The following GNB1L variants were observed in gnomAD, a reference collection of about 807,000 sequenced individuals.
GNB1L encodes the protein guanine nucleotide-binding protein subunit beta-like protein 1.
In GNB1L, 20 loss-of-function variants were observed where a neutral mutation model predicts 29.1. The ratio of observed to expected loss-of-function variants is 0.69; its 90% CI spans 0.48 to 1.00. The LOEUF is 1.00. GNB1L is among the 50% of genes least tolerant of loss of function. The pLI, the probability that GNB1L is intolerant of heterozygous loss-of-function variation, is 0.00. For missense variants in GNB1L, 421 were observed against 464.9 expected (o/e 0.91, Z 0.87); for synonymous variants, 193 against 206.5 (o/e 0.93, Z 0.56).
chr22:19,803,529 C>A (rs1937398916), intron 6 of GNB1L, among the ~76,000 whole-genome samples: 1 of 152,180 alleles, frequency 6.6e-6, no homozygotes, highest in Non-Finnish European at 1.5e-5. Context: ...GCTGTTTTAT[C>A]CCTGGGAGGA....
intron 7 of GNB1L, among the ~76,000 whole-genome samples, chr22:19,789,366 G>C (rs936038059): frequency 6.6e-6 from 1 of 152,210 alleles, no homozygotes; most frequent in African/African-American, 2.4e-5. Flanking sequence ...CCTCCCAGAA[G>C]AACCTCACAA....
rs750615518 is a variant in GNB1L at position 19,820,707 on chromosome 22, C to G, written c.145G>C (p.Val49Leu). The G allele has an allele frequency of 6.2e-7, 1 of 1,612,506 alleles. No individual in the cohort carries two copies. Among genetic ancestry groups the G allele is most frequent in the Non-Finnish European group, 8.5e-7 (1 of 1,178,916 alleles). ...LLFSGSQSGL[V>L]HIWSLQTRRA... ...CGCGTCTGCAGGCTCCAGATGTGTA[C>G]CAGGCCACTCTGAGACCTGTTTCAG... Residue 49 changes from valine (V) to leucine (L), a missense_variant, in exon 4 of 8, where the codon GTA (valine) becomes CTA (leucine). Transcript: ENST00000329517.
intron 7 of GNB1L, among the ~76,000 whole-genome samples, chr22:19,800,210 G>A (rs1937353478): frequency 6.6e-6 from 1 of 152,198 alleles, no homozygotes; most frequent in African/African-American, 2.4e-5. Flanking sequence ...ATAAATTACA[G>A]TCCTAAGTTC....
rs1937524087 is a variant in GNB1L at position 19,816,375 on chromosome 22, C to A, written c.255-3928G>T. 6.6e-6 allele frequency among the ~76,000 whole-genome samples: 1 copy of A among 152,210 alleles called. No individual in the cohort carries two copies. On this transcript the variant is annotated intron_variant, in intron 4 of 7. Coordinates refer to ENST00000329517, the MANE Select transcript of GNB1L (RefSeq NM_053004.3). The surrounding 1 kb of genome is among the most constrained non-coding windows in gnomAD (Gnocchi z 4.4). ...ATTTTAGTGCTCAAATTGGCCCAGG[C>A]TAATGGGAGTCCCTGCAGGCTGGCT...
At chr22:19,833,549 AGC>A (rs1225853529) in intron 2 of GNB1L, among the ~76,000 whole-genome samples, 13 of 152,142 alleles carry the variant, frequency 8.5e-5, no homozygotes, top group African/African-American at 3.1e-4. Context: ...TAGGCAACAG[AGC>A]AAGACCCTGT....
chr22:19,807,290 G>A (rs1046701820), intron 5 of GNB1L, among the ~76,000 whole-genome samples: 26 of 152,196 alleles, frequency 1.7e-4, no homozygotes, highest in African/African-American at 6.3e-4. Context: ...CCTACACCTG[G>A]GCTGGGAGAT....
At chr22:19,854,176 A>C (rs1938179584) in intron 2 of GNB1L, among the ~76,000 whole-genome samples, 1 of 152,158 alleles carries the variant, frequency 6.6e-6, no homozygotes, top group African/African-American at 2.4e-5. Flanking sequence ...CTGGCATAGA[A>C]GACTTTCGGC....
At chr22:19,841,678 C>G (rs1450677217) in intron 2 of GNB1L, among the ~76,000 whole-genome samples, 1 of 152,224 alleles carries the variant, frequency 6.6e-6, no homozygotes, top group Non-Finnish European at 1.5e-5. Flanking sequence ...AACTTTTACA[C>G]GCTTTTCCCA....
intron 2 of GNB1L, among the ~76,000 whole-genome samples, chr22:19,824,255 T>C (rs1193001374): frequency 2.0e-5 from 3 of 152,282 alleles, no homozygotes; most frequent in Non-Finnish European, 4.4e-5. Flanking sequence ...GCTTGATTTA[T>C]GACATCTAAT....
intron 2 of GNB1L, among the ~76,000 whole-genome samples, chr22:19,834,539 T>C (rs992358055): frequency 3.9e-5 from 6 of 152,256 alleles, no homozygotes; most frequent in African/African-American, 1.4e-4. Flanking sequence ...GTTTTCAATA[T>C]GGCAGTTATA....
At chr22:19,835,131 C>G (rs1181377585) in intron 2 of GNB1L, among the ~76,000 whole-genome samples, 1 of 152,064 alleles carries the variant, frequency 6.6e-6, no homozygotes, top group Admixed American at 6.5e-5. Context: ...ACTGATGGAA[C>G]TGAAAGTAGA....
chr22:19,850,706 G>A, intron 2 of GNB1L: 2 of 1,234,168 alleles, frequency 1.6e-6, no homozygotes, highest in Non-Finnish European at 1.0e-6. Context: ...CAGAGAGGGT[G>A]GGGCTAGGGG....
intron 7 of GNB1L, among the ~76,000 whole-genome samples, chr22:19,797,482 T>A (rs1937319985): frequency 6.6e-6 from 1 of 152,070 alleles, no homozygotes; most frequent in African/African-American, 2.4e-5. Context: ...CCTGTATGAG[T>A]TGGAGAGATG....
intron 7 of GNB1L, chr22:19,792,463 G>C (rs1937261949): frequency 6.3e-7 from 1 of 1,580,030 alleles, no homozygotes; most frequent in African/African-American, 1.3e-5. Flanking sequence ...TTTGTGAAAT[G>C]GCCCCGCTAT....
intron 2 of GNB1L, among the ~76,000 whole-genome samples, chr22:19,842,875 G>T (rs926209764): frequency 1.7e-4 from 26 of 152,302 alleles, no homozygotes; most frequent in African/African-American, 6.0e-4. Flanking sequence ...CCCTGGCCAT[G>T]GCCCCCACCT....
intron 7 of GNB1L, among the ~76,000 whole-genome samples, chr22:19,797,186 A>C (rs1442053911): frequency 1.3e-5 from 2 of 152,078 alleles, no homozygotes; most frequent in South Asian, 2.1e-4. Flanking sequence ...AAATGTGTCC[A>C]TCCATCGGGA....
rs141842613 is a variant in GNB1L, at chr22:19,788,921, C to T, written c.772G>A (p.Glu258Lys). ...TTGCGATCTGGCCGGATCGTGACCT[C>T]GGCGATCCCGGGATTGGTGAGTTCA... ...THELTNPGIAEVTIRPDRKIL... is the reference protein window; with the variant it reads ...THELTNPGIAKVTIRPDRKIL... The change falls in exon 8 of 8, where the codon GAG becomes AAG. Residue 258 changes from glutamate (E) to lysine (K), a missense_variant. By Grantham distance (56) the Glu-to-Lys change is moderately conservative. Coordinates refer to ENST00000329517, the MANE Select transcript of GNB1L (RefSeq NM_053004.3). The T allele has an allele frequency of 4.9e-5, 79 of 1,611,096 alleles. No homozygotes were observed. Among genetic ancestry groups the T allele is most frequent in the Non-Finnish European group, 5.9e-5 (70 of 1,178,650 alleles).
rs202133155 is a variant in GNB1L, at chr22:19,839,893, CAAT to C, written c.-21+14547_-21+14549del. ...TCCGTCTCAATAATAATAATAATAA[CAAT>C]AATAATAATAATAATAATAAGCCAG... On this transcript the variant is annotated intron_variant, in intron 2 of 7. Transcript: ENST00000329517. Among the ~76,000 whole-genome samples, 444 of 148,796 alleles carry C rather than the reference CAAT, an allele frequency of 3.0e-3. 1 individual carries two copies. Among genetic ancestry groups the C allele is most frequent in the Non-Finnish European group, 4.7e-3 (316 of 66,908 alleles).
intron 7 of GNB1L, chr22:19,793,123 A>C: frequency 2.7e-6 from 3 of 1,112,966 alleles, no homozygotes; most frequent in Non-Finnish European, 3.9e-6. Flanking sequence ...TCTGTACATT[A>C]AAATAATTAA....
Sources: allele counts gnomAD v4.1 joint callset (sites outside exome capture counted in the v4.1 genomes callset), GRCh38; gene constraint gnomAD v4.1.1; non-coding constraint Gnocchi (gnomAD v3.1); transcripts MANE v1.5; gene names NCBI Gene and HGNC (gene_info 2026-07-23, HGNC 2026-07-21).